Variants in LYSMD2 observed in about 807,000 individuals in gnomAD.
The protein encoded by LYSMD2 is lysM and putative peptidoglycan-binding domain-containing protein 2.
A neutral mutation model predicts 17.7 loss-of-function variants in LYSMD2; 6 were observed. That is an observed-to-expected ratio of 0.34 (90% CI 0.19 to 0.67). The LOEUF (loss-of-function observed/expected upper bound fraction) is 0.67, where lower values mean the gene tolerates loss of function less well. Ranked by LOEUF, LYSMD2 falls within the 30% of genes least tolerant of loss-of-function variation. The pLI is 0.69. For missense variants in LYSMD2, 237 were observed against 286.7 expected (o/e 0.83, Z 1.25); for synonymous variants, 102 against 129.8 (o/e 0.79, Z 1.45).
chr15:51,746,990 G>C (rs2055670919), intron 1 of LYSMD2, among the ~76,000 whole-genome samples: 1 of 128,630 alleles, frequency 7.8e-6, no homozygotes, highest in Non-Finnish European at 1.6e-5. Context: ...GACCAGCCTA[G>C]CCAACATGGT....
upstream of LYSMD2, among the ~76,000 whole-genome samples, chr15:51,740,892 G>T (rs973391078): frequency 6.6e-6 from 1 of 152,090 alleles, no homozygotes; most frequent in African/African-American, 2.4e-5. Context: ...GTACATAAAA[G>T]AAATATAAAT....
chr15:51,751,406 C>T (rs2055700752), exon 1 of LYSMD2: 2 of 700,592 alleles, frequency 2.9e-6, no homozygotes, highest in Non-Finnish European at 5.2e-6. Context: ...GGCTTCTCCC[C>T]GACCCAGGTG....
upstream of LYSMD2, among the ~76,000 whole-genome samples, chr15:51,741,272 T>C (rs920592328): frequency 2.6e-5 from 4 of 152,234 alleles, no homozygotes; most frequent in African/African-American, 9.6e-5. Context: ...AAGTTACATA[T>C]TCAATAAATG....
chr15:51,748,520 G>C (rs141469992), intron 1 of LYSMD2, among the ~76,000 whole-genome samples: 214 of 152,172 alleles, frequency 1.4e-3, no homozygotes, highest in African/African-American at 5.0e-3. Flanking sequence ...TAACACTTAG[G>C]ATGCTTTCAG....
rs1051859723 is a variant in LYSMD2, at chr15:51,737,107, G to A, written c.273+243C>T. 6.6e-6 allele frequency among the ~76,000 whole-genome samples: 1 copy of A among 152,226 alleles called. No homozygotes were observed. Among genetic ancestry groups the A allele is most frequent in the African/African-American group, 2.4e-5 (1 of 41,462 alleles). ...GGAACTCGATGCAGCTACCTAGGGA[G>A]GGAGCCCTGGCGGTCCGCCCCTCCC... On this transcript the variant is annotated intron_variant, in intron 1 of 2. Transcript: ENST00000267838. This position sits in a 1 kb window ranked among gnomAD's most constrained non-coding sequence, Gnocchi z 4.2.
chr15:51,737,230 C>T lies in LYSMD2; in HGVS notation c.273+120G>A, dbSNP rs765764063. 1.0e-3 allele frequency: 702 copies of T among 673,086 alleles called. 2 individuals carry two copies. Among genetic ancestry groups the T allele is most frequent in the Non-Finnish European group, 1.3e-3 (633 of 487,850 alleles). The allele number at this position is 673,086 out of a possible 1,614,324, so 41.7% of individuals were successfully genotyped here. ...GCCCGGGGACGCACGGCCGTCCCTG[C>T]GACTCCCCATCCCCCAAACCCCCAC... On this transcript the variant is annotated intron_variant, in intron 1 of 2. Coordinates refer to ENST00000267838, the MANE Select transcript of LYSMD2 (RefSeq NM_153374.3). This position sits in a 1 kb window ranked among gnomAD's most constrained non-coding sequence, Gnocchi z 4.2.
chr15:51,733,374 A>G (rs138094471), intron 1 of LYSMD2, among the ~76,000 whole-genome samples: 7 of 151,760 alleles, frequency 4.6e-5, no homozygotes, highest in Admixed American at 1.3e-4. Context: ...TATAAGCTCT[A>G]TGAGGACATG....
chr15:51,737,471 G>C lies in LYSMD2; in HGVS notation c.152C>G (p.Ser51Trp). The C allele has an allele frequency of 7.0e-7, 1 of 1,422,392 alleles. No homozygotes were observed. The highest frequency in any genetic ancestry group is 1.4e-5 in the South Asian group (1 of 71,542). 88.1% of individuals were successfully genotyped at this position (1,422,392 alleles called of 1,614,324 possible). The change falls in exon 1 of 3, where the codon TCG (serine) becomes TGG (tryptophan). Residue 51 changes from serine (S) to tryptophan (W), a missense_variant. Physicochemically the swap from Ser to Trp is radical, Grantham distance 177. Coordinates refer to ENST00000267838, the MANE Select transcript of LYSMD2 (RefSeq NM_153374.3). This position sits in a 1 kb window ranked among gnomAD's most constrained non-coding sequence, Gnocchi z 4.2. ...SLSLARTKTR[S>W]YGSTASVRAP... ...CCGCACGCTGGCGGTGCTGCCGTAC[G>C]AGCGGGTCTTGGTGCGGGCCAGGCT...
chr15:51,741,550 T>A, upstream of LYSMD2, among the ~76,000 whole-genome samples: 1 of 152,254 alleles, frequency 6.6e-6, no homozygotes, highest in East Asian at 1.9e-4. Flanking sequence ...CATTACTAAT[T>A]TCTTGAATTG....
chr15:51,731,759 C>T (rs1489551442), intron 1 of LYSMD2, among the ~76,000 whole-genome samples: 1 of 152,054 alleles, frequency 6.6e-6, no homozygotes, highest in African/African-American at 2.4e-5. Flanking sequence ...AGGGTTTCTG[C>T]ACAAAAATTC....
intron 1 of LYSMD2, among the ~76,000 whole-genome samples, chr15:51,726,207 G>C (rs1254706915): frequency 1.3e-5 from 2 of 152,084 alleles, no homozygotes; most frequent in Non-Finnish European, 2.9e-5. Flanking sequence ...TCTAGTTTAA[G>C]GGGAGAAAGA....
intron 1 of LYSMD2, among the ~76,000 whole-genome samples, chr15:51,734,123 C>T (rs146401424): frequency 9.8e-4 from 149 of 152,264 alleles, no homozygotes; most frequent in African/African-American, 3.4e-3. Context: ...GCGGAGGTTG[C>T]AGTGAGCCAA....
intron 1 of LYSMD2, among the ~76,000 whole-genome samples, chr15:51,745,138 A>T (rs2055661018): frequency 6.6e-6 from 1 of 152,174 alleles, no homozygotes. Flanking sequence ...TCCAACAAAG[A>T]AAAGCCAAGA....
chr15:51,724,404 A>C (rs1458134664), intron 2 of LYSMD2, among the ~76,000 whole-genome samples: 1 of 152,216 alleles, frequency 6.6e-6, no homozygotes, highest in African/African-American at 2.4e-5. Context: ...TGAGAGAGAC[A>C]CTTTTATTTT....
upstream of LYSMD2, among the ~76,000 whole-genome samples, chr15:51,739,618 G>T (rs144603819): frequency 2.6e-5 from 4 of 152,194 alleles, no homozygotes; most frequent in African/African-American, 9.6e-5. Context: ...AAAGTTTACT[G>T]CATGGCTGGA....
intron 1 of LYSMD2, among the ~76,000 whole-genome samples, chr15:51,746,786 A>T (rs1264803314): frequency 6.6e-6 from 1 of 152,082 alleles, no homozygotes; most frequent in Non-Finnish European, 1.5e-5. Flanking sequence ...TAAATTCCTG[A>T]TATTATTTCT....
intron 1 of LYSMD2, among the ~76,000 whole-genome samples, chr15:51,727,259 T>C (rs980303755): frequency 6.6e-6 from 1 of 152,190 alleles, no homozygotes; most frequent in Non-Finnish European, 1.5e-5. Flanking sequence ...AAGAACGGCA[T>C]TACCCAGGTC....
chr15:51,749,242 A>C (rs955902624), intron 1 of LYSMD2, among the ~76,000 whole-genome samples: 3 of 152,258 alleles, frequency 2.0e-5, no homozygotes, highest in African/African-American at 7.2e-5. Context: ...TAAAGAGCTA[A>C]ACAGACTGGA....
chr15:51,739,826 G>C (rs2414117), upstream of LYSMD2, among the ~76,000 whole-genome samples: 73,213 of 151,958 alleles, frequency 0.48, 17,927 homozygotes, highest in Admixed American at 0.55. Flanking sequence ...ACTTGGGAAA[G>C]TGAGGTGGGA....
Sources: allele counts gnomAD v4.1 joint callset (sites outside exome capture counted in the v4.1 genomes callset), GRCh38; gene constraint gnomAD v4.1.1; non-coding constraint Gnocchi (gnomAD v3.1); transcripts MANE v1.5; gene names NCBI Gene and HGNC (gene_info 2026-07-23, HGNC 2026-07-21).